The following CCDC7 variants were observed in gnomAD, a reference collection of about 807,000 sequenced individuals.
CCDC7 encodes the protein coiled-coil domain-containing protein 7.
Under a neutral mutation model 196.9 loss-of-function variants are expected in CCDC7, and 183 were observed. The observed-to-expected ratio is 0.93, with a 90% CI of 0.82 to 1.05. The LOEUF (loss-of-function observed/expected upper bound fraction) is 1.05. Among genes scored for constraint, CCDC7 ranks in the 50% least tolerant of loss-of-function variants. CCDC7 has a pLI of 0.00. For synonymous variants in CCDC7, 525 were observed against 484.6 expected (o/e 1.08, Z -1.10); for missense variants, 1,540 against 1,482.2 (o/e 1.04, Z -0.64).
intron 32 of CCDC7, among the ~76,000 whole-genome samples, chr10:32,830,140 A>ATATATATATATATATATATATC (rs1352900669): frequency 1.6e-5 from 2 of 123,394 alleles, no homozygotes; most frequent in Admixed American, 8.6e-5. Context: ...ATATATATAT[A>ATATATATATATATATATATATC]TCCTATTAGT....
rs755641923 is a variant in CCDC7, at chr10:32,584,347, A to C, written c.1801+43A>C. On this transcript the variant is annotated intron_variant, in intron 18 of 41. Coordinates refer to ENST00000639629, the Ensembl canonical transcript of CCDC7. ...TGGAAGATGAAAATGTGATTGAATG[A>C]TTATGTGTTTCCATGATATAATTAT... 3 of 1,245,184 alleles carry C rather than the reference A, an allele frequency of 2.4e-6. No individual in the cohort carries two copies. In the East Asian group the frequency reaches 7.1e-5, roughly 29 times the overall value. 77.1% of individuals were successfully genotyped at this position (1,245,184 alleles called of 1,614,324 possible).
At chr10:32,874,799 T>C (rs990529559) in intron 41 of CCDC7, among the ~76,000 whole-genome samples, 2 of 145,620 alleles carry the variant, frequency 1.4e-5, no homozygotes, top group Non-Finnish European at 3.1e-5. Context: ...TACACACATA[T>C]ATATACTCAC....
chr10:32,598,825 C>T (rs1009398717), intron 18 of CCDC7, among the ~76,000 whole-genome samples: 1 of 151,892 alleles, frequency 6.6e-6, no homozygotes, highest in Non-Finnish European at 1.5e-5. Flanking sequence ...GTTTTGTGTC[C>T]TAACATGTGG....
intron 28 of CCDC7, among the ~76,000 whole-genome samples, chr10:32,773,884 C>T (rs2079554543): frequency 6.6e-6 from 1 of 152,098 alleles, no homozygotes; most frequent in Non-Finnish European, 1.5e-5. Context: ...ATAGTGAGAA[C>T]TGGAAATTAA....
intron 8 of CCDC7, among the ~76,000 whole-genome samples, chr10:32,483,835 A>G (rs140629822): frequency 0.052 from 7,874 of 152,052 alleles, 672 homozygotes; most frequent in African/African-American, 0.18. Context: ...CAAGGGCTCT[A>G]TTCTGTTCCA....
exon 35 of CCDC7, chr10:32,845,571 T>C (rs1355651261): frequency 6.2e-7 from 1 of 1,612,524 alleles, no homozygotes; most frequent in African/African-American, 1.3e-5. Flanking sequence ...TTGCCTATGC[T>C]ACTGGAAGAG....
chr10:32,779,838 G>GA (rs751428151), intron 29 of CCDC7, among the ~76,000 whole-genome samples: 2 of 152,158 alleles, frequency 1.3e-5, no homozygotes, highest in African/African-American at 4.8e-5. Context: ...CTCTTCAAAT[G>GA]GTAAGAAAGT....
intron 30 of CCDC7, among the ~76,000 whole-genome samples, chr10:32,805,584 A>G (rs2085652759): frequency 6.6e-6 from 1 of 152,230 alleles, no homozygotes; most frequent in Non-Finnish European, 1.5e-5. Flanking sequence ...TAGTTCAGAT[A>G]TTATACTACT....
At chr10:32,867,548 C>G (rs1227925963) in intron 41 of CCDC7, among the ~76,000 whole-genome samples, 3 of 150,730 alleles carry the variant, frequency 2.0e-5, no homozygotes, top group Non-Finnish European at 4.4e-5. Flanking sequence ...ATAGAAAAAT[C>G]AAAAGATTTT....
chr10:32,469,870 A>G lies in CCDC7; in HGVS notation c.511-1194A>G, dbSNP rs368166348. ...TCAGGACCCTCTACTGAAAAAGGCT[A>G]ACATCAGGCCACCTGTCAGGGAAGA... On this transcript the variant is annotated intron_variant, in intron 5 of 41. Transcript: ENST00000639629. 4.6e-5 allele frequency among the ~76,000 whole-genome samples: 7 copies of G among 152,310 alleles called. No individual in the cohort carries two copies. The South Asian group carries it at 8.3e-4, about 18-fold the overall frequency.
chr10:32,710,147 C>A (rs901711565), intron 24 of CCDC7, among the ~76,000 whole-genome samples: 1 of 152,156 alleles, frequency 6.6e-6, no homozygotes, highest in Admixed American at 6.5e-5. Context: ...TTTATAGTGA[C>A]ACAGCCCACA....
At chr10:32,653,781 A>G (rs1346952256) in intron 20 of CCDC7, among the ~76,000 whole-genome samples, 3 of 152,208 alleles carry the variant, frequency 2.0e-5, no homozygotes, top group Non-Finnish European at 4.4e-5. Flanking sequence ...TCATATCACA[A>G]TTTGACTATG....
chr10:32,528,192 C>G (rs1291613973), intron 11 of CCDC7, among the ~76,000 whole-genome samples: 1 of 152,132 alleles, frequency 6.6e-6, no homozygotes, highest in Non-Finnish European at 1.5e-5. Flanking sequence ...CTTCAAATGA[C>G]AGGATTCCAT....
At chr10:32,697,830 C>T (rs190164125) in intron 24 of CCDC7, among the ~76,000 whole-genome samples, 9 of 152,284 alleles carry the variant, frequency 5.9e-5, no homozygotes, top group South Asian at 2.1e-4. Context: ...AGTGGTTCTC[C>T]GTGCATGGAG....
chr10:32,638,689 C>A (rs2066130926), intron 20 of CCDC7, among the ~76,000 whole-genome samples: 2 of 152,128 alleles, frequency 1.3e-5, no homozygotes, highest in Non-Finnish European at 2.9e-5. Context: ...GTCTAAAATT[C>A]TCTTTTCTTG....
chr10:32,511,261 C>CGGCG lies in CCDC7; in HGVS notation c.873-6682_873-6681insCGGG, dbSNP rs1554812866. On this transcript the variant is annotated intron_variant, in intron 9 of 41. Coordinates refer to ENST00000639629, the Ensembl canonical transcript of CCDC7. ...TGCCACAGAATTATTCTGTGGGGGG[C>CGGCG]GGGGGGGGCGGGGAAATGTACTTTT... 34 of 383,228 alleles carry CGGCG rather than the reference C, an allele frequency of 8.9e-5. 4 individuals carry two copies. Among genetic ancestry groups the CGGCG allele is most frequent in the Admixed American group, 5.5e-4 (10 of 18,234 alleles). 23.7% of individuals were successfully genotyped at this position (383,228 alleles called of 1,614,324 possible). A position where few individuals can be genotyped will look rare whatever the true frequency, so the allele number is the denominator to read the frequency against.
intron 41 of CCDC7, among the ~76,000 whole-genome samples, chr10:32,868,104 T>G (rs965026640): frequency 6.6e-6 from 1 of 152,024 alleles, no homozygotes; most frequent in Non-Finnish European, 1.5e-5. Flanking sequence ...ATTTCCTTCC[T>G]TTATTTAACT....
rs545309583 is a variant in CCDC7, at chr10:32,602,970, CTTATT to C, written c.1801+18671_1801+18675del. Among the ~76,000 whole-genome samples the C allele has an allele frequency of 7.2e-5, 11 of 152,186 alleles. 1 individual carries two copies. The South Asian group carries it at 2.1e-3, about 29-fold the overall frequency. On this transcript the variant is annotated intron_variant, in intron 18 of 41. Coordinates refer to ENST00000639629, the Ensembl canonical transcript of CCDC7. The stretch of plus-strand genomic sequence containing the variant: ...TTCTTTGTGTGGGAACATTTTAAAT[CTTATT>C]TTATGGGCTATTTTGAAATATAAAA...
intron 18 of CCDC7, among the ~76,000 whole-genome samples, chr10:32,620,468 C>A (rs1399485692): frequency 7.2e-6 from 1 of 139,626 alleles, no homozygotes; most frequent in East Asian, 2.0e-4. Flanking sequence ...TCCTTTATCA[C>A]ATTTTTTTTT....
Sources: allele counts gnomAD v4.1 joint callset (sites outside exome capture counted in the v4.1 genomes callset), GRCh38; gene constraint gnomAD v4.1.1; transcripts MANE v1.5; gene names NCBI Gene and HGNC (gene_info 2026-07-23, HGNC 2026-07-21).